The following HHAT variants were observed in gnomAD, a reference collection of about 807,000 sequenced individuals.
HHAT encodes the protein hedgehog acyltransferase.
Under a neutral mutation model 70.8 loss-of-function variants are expected in HHAT, and 47 were observed. That is an observed-to-expected ratio of 0.66 (90% confidence interval 0.53 to 0.85). The LOEUF is 0.85. Ranked by LOEUF, HHAT falls within the 40% of genes least tolerant of loss-of-function variation. The pLI, the probability that HHAT is intolerant of heterozygous loss-of-function variation, is 0.00. For synonymous variants in HHAT, 228 were observed against 247.6 expected (o/e 0.92, Z 0.74); for missense variants, 609 against 604.8 (o/e 1.01, Z -0.07).
chr1:210,341,744 C>T (rs1301492948), intron 1 of HHAT, among the ~76,000 whole-genome samples: 2 of 152,164 alleles, frequency 1.3e-5, no homozygotes, highest in South Asian at 2.1e-4. Context: ...AGATTCTTGC[C>T]ATTTTACAGC....
chr1:210,365,894 T>G (rs2088903871), intron 3 of HHAT, among the ~76,000 whole-genome samples: 1 of 149,972 alleles, frequency 6.7e-6, no homozygotes, highest in Non-Finnish European at 1.5e-5. Context: ...GGCATTAGAA[T>G]CATGAGCCAC....
intron 9 of HHAT, among the ~76,000 whole-genome samples, chr1:210,556,355 T>A (rs1489460793): frequency 2.0e-5 from 3 of 152,224 alleles, no homozygotes; most frequent in African/African-American, 7.2e-5. Flanking sequence ...AAGGGCTATG[T>A]CTCTTCTGTT....
chr1:210,563,730 A>T (rs1185134357), intron 9 of HHAT, among the ~76,000 whole-genome samples: 1 of 152,188 alleles, frequency 6.6e-6, no homozygotes, highest in East Asian at 1.9e-4. Flanking sequence ...ATTCTGTTCC[A>T]TAACCTCATA....
Position 210,408,954 on chromosome 1 carries a change from C to T in HHAT, c.684+4275C>T, listed in dbSNP as rs563309769. Reference sequence around the variant, plus strand: ...ATAGCTCACTGTAGCTTTGGCCTCCCGAGCTCAAGTGATCCTCCCACCTCA... The same window carrying T: ...ATAGCTCACTGTAGCTTTGGCCTCCTGAGCTCAAGTGATCCTCCCACCTCA... On this transcript the variant is annotated intron_variant, in intron 6 of 11. Coordinates refer to ENST00000261458, the MANE Select transcript of HHAT (RefSeq NM_018194.6). Among the ~76,000 whole-genome samples the T allele has an allele frequency of 1.2e-4, 18 of 152,282 alleles. No homozygotes were observed. The East Asian group carries it at 2.5e-3, about 21-fold the overall frequency.
chr1:210,401,239 C>A (rs1402696944), intron 5 of HHAT, among the ~76,000 whole-genome samples: 2 of 152,104 alleles, frequency 1.3e-5, no homozygotes, highest in Non-Finnish European at 2.9e-5. Flanking sequence ...CTCAGTCAAC[C>A]GAGTGGGTGG....
chr1:210,373,723 G>C (rs904063089), intron 3 of HHAT, among the ~76,000 whole-genome samples: 2 of 152,212 alleles, frequency 1.3e-5, no homozygotes, highest in Admixed American at 1.3e-4. Context: ...CAGTGGAATT[G>C]ATGGAGTCCT....
chr1:210,657,660 C>T (rs138760158), intron 11 of HHAT, among the ~76,000 whole-genome samples: 1 of 152,218 alleles, frequency 6.6e-6, no homozygotes, highest in Non-Finnish European at 1.5e-5. Context: ...GCTGACATCA[C>T]CTTTGAGATG....
intron 8 of HHAT, among the ~76,000 whole-genome samples, chr1:210,491,929 A>G (rs2094558355): frequency 6.6e-6 from 1 of 151,944 alleles, no homozygotes; most frequent in Non-Finnish European, 1.5e-5. Context: ...TGCTTGGCTA[A>G]TTTTTGTATT....
intron 9 of HHAT, among the ~76,000 whole-genome samples, chr1:210,558,337 G>A (rs1317494739): frequency 1.3e-5 from 2 of 152,244 alleles, no homozygotes; most frequent in African/African-American, 4.8e-5. Context: ...CTTTTGCAAA[G>A]AAGTGCTGCA....
At chr1:210,453,879 T>G (rs1273990611) in intron 7 of HHAT, among the ~76,000 whole-genome samples, 1 of 152,220 alleles carries the variant, frequency 6.6e-6, no homozygotes, top group African/African-American at 2.4e-5. Flanking sequence ...TTCACACAGC[T>G]GATAAAGACA....
intron 9 of HHAT, among the ~76,000 whole-genome samples, chr1:210,539,780 T>C (rs762066627): frequency 6.6e-6 from 1 of 152,062 alleles, no homozygotes; most frequent in Non-Finnish European, 1.5e-5. Context: ...TTTCAGTGCC[T>C]TTTTTGTGCT....
intron 9 of HHAT, among the ~76,000 whole-genome samples, chr1:210,580,678 T>C (rs1218839547): frequency 1.3e-5 from 2 of 152,114 alleles, no homozygotes; most frequent in Non-Finnish European, 2.9e-5. Flanking sequence ...CTCATTCCTT[T>C]ATATGTCTGC....
At chr1:210,448,962 A>G (rs1375237488) in intron 7 of HHAT, among the ~76,000 whole-genome samples, 1 of 152,134 alleles carries the variant, frequency 6.6e-6, no homozygotes, top group Non-Finnish European at 1.5e-5. Context: ...CTGTTTGGGG[A>G]TCATATCACT....
chr1:210,342,679 A>G (rs565622086), intron 1 of HHAT, among the ~76,000 whole-genome samples: 1 of 152,196 alleles, frequency 6.6e-6, no homozygotes, highest in African/African-American at 2.4e-5. Context: ...TCACTTACAC[A>G]TTTGAGTAAG....
intron 9 of HHAT, among the ~76,000 whole-genome samples, chr1:210,543,692 T>C (rs954060931): frequency 6.6e-6 from 1 of 152,202 alleles, no homozygotes; most frequent in Admixed American, 6.5e-5. Context: ...TGTTTCTTCA[T>C]AGGACCCTTC....
At chr1:210,597,306 C>T (rs1000708088) in intron 10 of HHAT, among the ~76,000 whole-genome samples, 1 of 152,168 alleles carries the variant, frequency 6.6e-6, no homozygotes, top group Non-Finnish European at 1.5e-5. Flanking sequence ...GGGTCTTGCC[C>T]ATGACCTACA....
intron 8 of HHAT, among the ~76,000 whole-genome samples, chr1:210,474,536 A>G (rs1433287095): frequency 6.6e-6 from 1 of 152,186 alleles, no homozygotes; most frequent in East Asian, 1.9e-4. Flanking sequence ...CTTTATGGTG[A>G]TCATAAAATG....
intron 11 of HHAT, among the ~76,000 whole-genome samples, chr1:210,634,109 T>C (rs1467553436): frequency 6.6e-6 from 1 of 152,244 alleles, no homozygotes; most frequent in Non-Finnish European, 1.5e-5. Context: ...TGTATTTCTT[T>C]GCTGTTAGAA....
At chr1:210,621,611 A>T (rs1668840369) in intron 10 of HHAT, among the ~76,000 whole-genome samples, 1 of 152,140 alleles carries the variant, frequency 6.6e-6, no homozygotes, top group Non-Finnish European at 1.5e-5. Flanking sequence ...AGAGGTGAAG[A>T]GTGCTGAATA....
Sources: gnomAD v4.1 joint callset for allele counts (sites outside exome capture counted in the v4.1 genomes callset) on GRCh38, gnomAD v4.1.1 for gene constraint, MANE v1.5 for transcripts, NCBI Gene and HGNC (gene_info 2026-07-23, HGNC 2026-07-21) for gene names.